Variants in ANKS1B observed in about 807,000 individuals in gnomAD.
ANKS1B encodes the protein ankyrin repeat and sterile alpha motif domain-containing protein 1B.
A neutral mutation model predicts 148.3 loss-of-function variants in ANKS1B; 36 were observed. That is an observed-to-expected ratio of 0.24 (90% confidence interval 0.19 to 0.32). ANKS1B has a LOEUF of 0.32. Ranked by LOEUF, ANKS1B falls within the 10% of genes least tolerant of loss-of-function variation. The probability of loss-of-function intolerance (pLI) is 1.00; values close to 1 mark genes in which losing one functional copy is unlikely to be tolerated. For missense variants in ANKS1B, 1,157 were observed against 1,542.6 expected, an observed-to-expected ratio of 0.75 and a Z score of 4.19; for synonymous variants, 542 against 560.8, an observed-to-expected ratio of 0.97 and a Z score of 0.47.
intron 15 of ANKS1B, among the ~76,000 whole-genome samples, chr12:99,129,920 G>A (rs1440925704): frequency 2.0e-5 from 3 of 152,162 alleles, no homozygotes; most frequent in Admixed American, 2.0e-4. Flanking sequence ...ACAAGAACGG[G>A]ATGAATGCTT....
chr12:99,590,627 A>G (rs1246410960), intron 9 of ANKS1B, among the ~76,000 whole-genome samples: 1 of 152,176 alleles, frequency 6.6e-6, no homozygotes, highest in African/African-American at 2.4e-5. Flanking sequence ...TTTGAGGGCA[A>G]GTGCCATTTA....
chr12:98,941,668 T>A (rs904151716), intron 17 of ANKS1B, among the ~76,000 whole-genome samples: 5 of 152,346 alleles, frequency 3.3e-5, no homozygotes, highest in Admixed American at 1.3e-4. Context: ...TCAGGGCAAA[T>A]CTGCCCCTCG....
intron 9 of ANKS1B, among the ~76,000 whole-genome samples, chr12:99,612,350 T>C (rs2097909990): frequency 6.6e-6 from 1 of 152,176 alleles, no homozygotes; most frequent in African/African-American, 2.4e-5. Context: ...ATGCTCACTG[T>C]GTACCAGGCA....
At chr12:99,623,192 A>C (rs191619478) in intron 9 of ANKS1B, among the ~76,000 whole-genome samples, 6 of 152,192 alleles carry the variant, frequency 3.9e-5, no homozygotes, top group African/African-American at 1.4e-4. Flanking sequence ...CATTCAATAA[A>C]ATCTAACATC....
intron 14 of ANKS1B, among the ~76,000 whole-genome samples, chr12:99,207,223 T>C (rs1052437827): frequency 1.3e-5 from 2 of 152,184 alleles, no homozygotes; most frequent in Non-Finnish European, 2.9e-5. Flanking sequence ...ACTACTTTAA[T>C]GGCTATGTAG....
intron 9 of ANKS1B, among the ~76,000 whole-genome samples, chr12:99,551,387 T>C (rs867498688): frequency 1.3e-5 from 2 of 152,132 alleles, no homozygotes; most frequent in African/African-American, 2.4e-5. Flanking sequence ...GCTTTCTAAC[T>C]GTCTCCATCA....
chr12:99,399,449 C>T (rs541502174), intron 12 of ANKS1B, among the ~76,000 whole-genome samples, 182 bp downstream of exon 12: 9 of 152,230 alleles, frequency 5.9e-5, no homozygotes, highest in African/African-American at 2.2e-4. Context: ...AAAAGGCCAT[C>T]CATGTATTCA....
At chr12:99,419,597 C>T (rs1014779267) in intron 11 of ANKS1B, among the ~76,000 whole-genome samples, 2 of 152,032 alleles carry the variant, frequency 1.3e-5, no homozygotes, top group East Asian at 1.9e-4. Context: ...TTGCTGTATA[C>T]GTGAAAGAAA....
intron 12 of ANKS1B, among the ~76,000 whole-genome samples, chr12:99,287,428 C>G (rs897635175): frequency 2.0e-5 from 3 of 152,066 alleles, no homozygotes; most frequent in African/African-American, 7.2e-5. Context: ...AAAGCCTTCC[C>G]AAGAAGGATG....
At chr12:99,483,891 C>T (rs559039669) in intron 10 of ANKS1B, among the ~76,000 whole-genome samples, 1 of 151,874 alleles carries the variant, frequency 6.6e-6, no homozygotes, top group South Asian at 2.1e-4. Flanking sequence ...CTTCTCTCTT[C>T]CTCACCTGGT....
rs2069168681 is a variant in ANKS1B, at chr12:99,139,068, C to A, written c.2526+15221G>T. Among the ~76,000 whole-genome samples the A allele has an allele frequency of 2.0e-5, 3 of 147,238 alleles. No homozygotes were observed. In the South Asian group the frequency reaches 6.9e-4, roughly 34 times the overall value. On this transcript the variant is annotated intron_variant, in intron 15 of 26. Coordinates refer to ENST00000683438, the MANE Select transcript of ANKS1B (RefSeq NM_001352186.2). ...CCAGGCTAGAATGCAGTGGTGTGCT[C>A]AGAGTTCACTGAAGCCTTGAACTCT...
At chr12:99,374,983 G>A (rs1180413283) in intron 12 of ANKS1B, among the ~76,000 whole-genome samples, 3 of 152,050 alleles carry the variant, frequency 2.0e-5, no homozygotes, top group African/African-American at 4.8e-5. Context: ...TAATAATGAC[G>A]GCTACCTCCC....
At chr12:98,808,235 C>T (rs893587105) in intron 19 of ANKS1B, among the ~76,000 whole-genome samples, 4 of 152,272 alleles carry the variant, frequency 2.6e-5, no homozygotes, top group African/African-American at 7.2e-5. Context: ...TCCCCCTTCA[C>T]GTCACTACTT....
chr12:99,598,579 A>C (rs1318741722), intron 9 of ANKS1B, among the ~76,000 whole-genome samples: 1 of 152,052 alleles, frequency 6.6e-6, no homozygotes, highest in Non-Finnish European at 1.5e-5. Context: ...TTATACCACT[A>C]CTATAAACAT....
At chr12:99,152,952 A>T (rs959763778) in intron 15 of ANKS1B, among the ~76,000 whole-genome samples, 1 of 152,150 alleles carries the variant, frequency 6.6e-6, no homozygotes, top group East Asian at 1.9e-4. Flanking sequence ...TTCCATTTCA[A>T]TACCCAAATA....
chr12:99,031,465 G>T (rs1207399771), intron 17 of ANKS1B, among the ~76,000 whole-genome samples: 2 of 152,184 alleles, frequency 1.3e-5, no homozygotes, highest in Non-Finnish European at 2.9e-5. Context: ...AAAAAGCTAA[G>T]ACACACTTTC....
intron 11 of ANKS1B, among the ~76,000 whole-genome samples, chr12:99,410,561 C>T (rs933333688): frequency 6.6e-6 from 1 of 152,036 alleles, no homozygotes; most frequent in South Asian, 2.1e-4. Flanking sequence ...CCCAGCTACT[C>T]GGGAGGCTGA....
chr12:99,666,605 A>G (rs199707439), intron 8 of ANKS1B, among the ~76,000 whole-genome samples: 11 of 152,146 alleles, frequency 7.2e-5, no homozygotes, highest in East Asian at 5.8e-4. Context: ...TATAGTCTTC[A>G]GTGTACAGGT....
chr12:99,290,891 C>T (rs189109499), intron 12 of ANKS1B, among the ~76,000 whole-genome samples: 2 of 152,160 alleles, frequency 1.3e-5, no homozygotes, highest in African/African-American at 2.4e-5. Flanking sequence ...TCTTTCACCA[C>T]TGTTATTCAA....
Sources: gnomAD v4.1 joint callset for allele counts (sites outside exome capture counted in the v4.1 genomes callset) on GRCh38, gnomAD v4.1.1 for gene constraint, MANE v1.5 for transcripts, NCBI Gene and HGNC (gene_info 2026-07-23, HGNC 2026-07-21) for gene names.